Variants in FBXO4 observed in about 807,000 individuals in gnomAD.
The protein encoded by FBXO4 is F-box only protein 4.
In FBXO4, 36 loss-of-function variants were observed where a neutral mutation model predicts 43.7. The ratio of observed to expected loss-of-function variants is 0.82; its 90% CI spans 0.63 to 1.09. The LOEUF is 1.09. Ranked by LOEUF, FBXO4 falls within the 50% of genes least tolerant of loss-of-function variation. The pLI is 0.00. For synonymous variants in FBXO4, 180 were observed against 165.6 expected (o/e 1.09, Z -0.67); for missense variants, 435 against 474.1 (o/e 0.92, Z 0.77).
the FBXO4 span, among the ~76,000 whole-genome samples, chr5:41,963,156 T>C: frequency 2.0e-5 from 3 of 152,078 alleles, no homozygotes; most frequent in Non-Finnish European, 4.4e-5. Flanking sequence ...ATATAAATGA[T>C]CATTTTTCTC....
At chr5:42,014,696 A>T in the FBXO4 span, among the ~76,000 whole-genome samples, 1 of 152,142 alleles carries the variant, frequency 6.6e-6, no homozygotes, top group African/African-American at 2.4e-5. Context: ...AAGAAAGCTC[A>T]ATTGTTTAGC....
intron 5 of FBXO4, among the ~76,000 whole-genome samples, chr5:41,935,531 A>C (rs1449574320): frequency 1.3e-5 from 2 of 152,254 alleles, no homozygotes; most frequent in Non-Finnish European, 2.9e-5. Flanking sequence ...TTCCACTTGT[A>C]CCAAGGATCT....
the FBXO4 span, among the ~76,000 whole-genome samples, chr5:42,003,145 A>C: frequency 6.6e-6 from 1 of 152,244 alleles, no homozygotes; most frequent in Non-Finnish European, 1.5e-5. Flanking sequence ...TTTTCAAAGG[A>C]GAAAAAATGA....
chr5:41,990,758 A>T, the FBXO4 span, among the ~76,000 whole-genome samples: 2 of 152,170 alleles, frequency 1.3e-5, no homozygotes, highest in African/African-American at 4.8e-5. Flanking sequence ...AAGCAAAAAT[A>T]AAAAAATGTA....
At position 41,927,176 on chromosome 5, in the gene FBXO4, T is replaced by C. The variant is rs202211803; in HGVS notation, c.353T>C (p.Leu118Pro). The C allele has an allele frequency of 6.2e-7, 1 of 1,613,924 alleles. No individual in the cohort carries two copies. Among genetic ancestry groups the C allele is most frequent in the African/African-American group, 1.3e-5 (1 of 75,034 alleles). ...TGGTCTTCTGTTGACTGGAAGTCTCTTCCAGATCTAGAAATCTTAAAAAAG... is the reference window on the plus strand; with the variant it reads ...TGGTCTTCTGTTGACTGGAAGTCTCCTCCAGATCTAGAAATCTTAAAAAAG... ...PSWSSVDWKS[L>P]PDLEILKKPI... The change falls in exon 2 of 7, where the codon CTT becomes CCT. Residue 118 changes from leucine (L) to proline (P), a missense_variant. Physicochemically the swap from Leu to Pro is moderately conservative, Grantham distance 98 (BLOSUM62 -3). Transcript: ENST00000281623.
the FBXO4 span, among the ~76,000 whole-genome samples, chr5:41,973,263 T>C: frequency 1.3e-5 from 2 of 152,108 alleles, no homozygotes; most frequent in African/African-American, 2.4e-5. Flanking sequence ...GCAAAGGACA[T>C]GAACAGACAC....
At chr5:41,929,542 T>A (rs1252638991) in intron 2 of FBXO4, among the ~76,000 whole-genome samples, 155 bp from the exon 3 acceptor site, 1 of 152,198 alleles carries the variant, frequency 6.6e-6, no homozygotes, top group East Asian at 1.9e-4. Context: ...CACATACATA[T>A]TATAAAGGTG....
At chr5:41,927,976 T>A (rs1022532389) in intron 2 of FBXO4, among the ~76,000 whole-genome samples, 1 of 152,236 alleles carries the variant, frequency 6.6e-6, no homozygotes, top group African/African-American at 2.4e-5. Context: ...CGCATTATTT[T>A]AAAAATTTCA....
At chr5:42,039,068 T>G in the FBXO4 span, among the ~76,000 whole-genome samples, 1 of 151,992 alleles carries the variant, frequency 6.6e-6, no homozygotes, top group South Asian at 2.1e-4. Context: ...CAAGAGAGAG[T>G]TTCATTTTAT....
the FBXO4 span, among the ~76,000 whole-genome samples, chr5:41,962,387 G>A: frequency 2.0e-5 from 3 of 152,070 alleles, no homozygotes; most frequent in Non-Finnish European, 4.4e-5. Context: ...ATCAACCAAT[G>A]CATCAGTGGG....
chr5:41,963,876 A>G, the FBXO4 span: 2 of 152,178 alleles, frequency 1.3e-5, no homozygotes, highest in Non-Finnish European at 2.9e-5. Flanking sequence ...TTTAAAGGCT[A>G]GTCAACTGAA....
At chr5:41,955,829 G>A in the FBXO4 span, among the ~76,000 whole-genome samples, 2 of 152,112 alleles carry the variant, frequency 1.3e-5, no homozygotes, top group African/African-American at 2.4e-5. Flanking sequence ...GCTTACACAC[G>A]GCACCAACCA....
At chr5:41,927,709 C>T (rs967253924) in intron 2 of FBXO4, among the ~76,000 whole-genome samples, 6 of 152,142 alleles carry the variant, frequency 3.9e-5, no homozygotes, top group Admixed American at 3.9e-4. Context: ...ATTAATGTTA[C>T]TGAGCAACTG....
At chr5:41,977,509 A>G in the FBXO4 span, among the ~76,000 whole-genome samples, 2 of 152,232 alleles carry the variant, frequency 1.3e-5, no homozygotes, top group Non-Finnish European at 2.9e-5. Flanking sequence ...GTTAAGTTCA[A>G]ACTGCCACAG....
intron 2 of FBXO4, among the ~76,000 whole-genome samples, chr5:41,929,233 C>G (rs1226663119): frequency 6.6e-6 from 1 of 152,152 alleles, no homozygotes; most frequent in Non-Finnish European, 1.5e-5. Context: ...GGGGCCTGCC[C>G]TATGCATTGT....
the FBXO4 span, among the ~76,000 whole-genome samples, chr5:42,029,688 A>T: frequency 0.016 from 2,431 of 151,294 alleles, 121 homozygotes; most frequent in East Asian, 0.1. Flanking sequence ...AAATATCCTG[A>T]CTCCAAGCTC....
At chr5:41,947,866 G>A in the FBXO4 span, among the ~76,000 whole-genome samples, 8 of 152,126 alleles carry the variant, frequency 5.3e-5, no homozygotes, top group Non-Finnish European at 1.2e-4. Context: ...TCAAGAAGTA[G>A]GGATCAGGTA....
At chr5:41,975,778 A>AC in the FBXO4 span, among the ~76,000 whole-genome samples, 1 of 152,214 alleles carries the variant, frequency 6.6e-6, no homozygotes, top group Admixed American at 6.5e-5. Flanking sequence ...TGATCTGGAC[A>AC]CTACAATTAA....
chr5:41,973,331 T>G, the FBXO4 span, among the ~76,000 whole-genome samples: 11 of 152,280 alleles, frequency 7.2e-5, no homozygotes, highest in South Asian at 1.7e-3. Context: ...TCCTCCTTAC[T>G]AATCATTACA....
Sources: gnomAD v4.1 joint callset for allele counts (sites outside exome capture counted in the v4.1 genomes callset) on GRCh38, gnomAD v4.1.1 for gene constraint, MANE v1.5 for transcripts, NCBI Gene and HGNC (gene_info 2026-07-23, HGNC 2026-07-21) for gene names.